The following SFXN5 variants were observed in gnomAD, a reference collection of about 807,000 sequenced individuals.
SFXN5 encodes the protein sideroflexin 5.
SFXN5 carries 43 observed loss-of-function variants against 50.2 expected under a neutral mutation model. That is an observed-to-expected ratio of 0.86 (90% CI 0.67 to 1.11). The LOEUF is 1.11. Ranked by LOEUF, SFXN5 falls within the 50% of genes least tolerant of loss-of-function variation. The pLI is 0.00. For missense variants in SFXN5, 463 were observed against 454.1 expected, an observed-to-expected ratio of 1.02 and a Z score of -0.18; for synonymous variants, 203 against 185.8, an observed-to-expected ratio of 1.09 and a Z score of -0.75.
At chr2:73,047,974 T>A (rs1248024261) in intron 2 of SFXN5, among the ~76,000 whole-genome samples, 1 of 152,200 alleles carries the variant, frequency 6.6e-6, no homozygotes, top group Non-Finnish European at 1.5e-5. Flanking sequence ...ATTAATAGAA[T>A]AACCATGTGA....
At chr2:73,011,735 C>G (rs1000202423) in intron 6 of SFXN5, among the ~76,000 whole-genome samples, 1 of 152,168 alleles carries the variant, frequency 6.6e-6, no homozygotes, top group Non-Finnish European at 1.5e-5. Flanking sequence ...CTTCTCCCAT[C>G]AGATTGGCAA....
At chr2:73,040,718 T>G (rs939972390) in intron 3 of SFXN5, 136 bp downstream of exon 3, 1 of 614,542 alleles carries the variant, frequency 1.6e-6, no homozygotes, top group South Asian at 2.3e-5. Context: ...CAAAGAGCTT[T>G]TAGTCCACAG....
intron 10 of SFXN5, among the ~76,000 whole-genome samples, chr2:72,976,092 T>C (rs967465658): frequency 1.3e-5 from 2 of 152,354 alleles, no homozygotes; most frequent in East Asian, 1.9e-4. Context: ...AACCCTGTAA[T>C]TGGCATATGC....
chr2:73,012,156 TAA>T (rs949858758), intron 6 of SFXN5, among the ~76,000 whole-genome samples: 1 of 152,160 alleles, frequency 6.6e-6, no homozygotes, highest in Non-Finnish European at 1.5e-5. Flanking sequence ...TTAAATGACT[TAA>T]ATGTATGCAG....
chr2:73,020,379 G>T, intron 5 of SFXN5, 115 bp from the exon 6 acceptor site: 2 of 984,164 alleles, frequency 2.0e-6, no homozygotes, highest in East Asian at 2.5e-5. Flanking sequence ...AAGGGGCTCA[G>T]GTCAGTTAGG....
intron 2 of SFXN5, among the ~76,000 whole-genome samples, chr2:73,050,522 G>A (rs941628715): frequency 6.6e-6 from 1 of 152,170 alleles, no homozygotes; most frequent in East Asian, 1.9e-4. Context: ...GCCACAGCTG[G>A]GGTGGCTGAG....
At chr2:72,955,294 C>G (rs1477770481) in intron 13 of SFXN5, among the ~76,000 whole-genome samples, 1 of 152,238 alleles carries the variant, frequency 6.6e-6, no homozygotes, top group African/African-American at 2.4e-5. Flanking sequence ...GCCGCCCGCC[C>G]GTTCACGCAG....
At chr2:73,008,136 T>G (rs1674963638) in intron 6 of SFXN5, among the ~76,000 whole-genome samples, 1 of 152,202 alleles carries the variant, frequency 6.6e-6, no homozygotes, top group South Asian at 2.1e-4. Flanking sequence ...CTTCTGATAC[T>G]TAGAGTCTCT....
Position 72,950,166 on chromosome 2 carries a change from G to A in SFXN5, c.946-5067C>T, listed in dbSNP as rs150583259. Among the ~76,000 whole-genome samples, 6 of 152,268 alleles carry A rather than the reference G, an allele frequency of 3.9e-5. No individual in the cohort carries two copies. The highest frequency in any genetic ancestry group is 9.6e-5 in the African/African-American group (4 of 41,540). On this transcript the variant is annotated intron_variant, in intron 13 of 13. Transcript: ENST00000272433. This position sits in a 1 kb window ranked among gnomAD's most constrained non-coding sequence, Gnocchi z 4.2. Reference sequence around the variant, plus strand: ...GAACAGGCACATTTGAAGGGCAAGCGGAGGGAACAAGCCTGTGATGGTGGC... The same window carrying A: ...GAACAGGCACATTTGAAGGGCAAGCAGAGGGAACAAGCCTGTGATGGTGGC...
At chr2:72,998,381 C>G (rs1257197698) in intron 9 of SFXN5, 1 of 153,190 alleles carries the variant, frequency 6.5e-6, no homozygotes, top group Admixed American at 6.5e-5. Flanking sequence ...CACGCTCAGT[C>G]TCTGAACCTC....
chr2:72,976,245 T>C (rs1248652066), intron 10 of SFXN5, among the ~76,000 whole-genome samples: 1 of 152,140 alleles, frequency 6.6e-6, no homozygotes, highest in African/African-American at 2.4e-5. Flanking sequence ...TTTTCTATAA[T>C]ATTTAAATTT....
At chr2:72,980,134 T>C (rs1298740656) in intron 10 of SFXN5, among the ~76,000 whole-genome samples, 1 of 151,848 alleles carries the variant, frequency 6.6e-6, no homozygotes, top group Admixed American at 6.6e-5. Context: ...CCCTCTTCTC[T>C]CTTCTCTCCT....
Position 73,020,200 on chromosome 2 carries a change from A to T in SFXN5, c.357+39T>A, listed in dbSNP as rs996215096. On this transcript the variant is annotated intron_variant, in intron 6 of 13. Transcript: ENST00000272433. ...AACATAAAGTTAGACATTTAAAATAATTTTTTAGAAAAGGAAATCCTTTGA... is the reference window on the plus strand; with the variant it reads ...AACATAAAGTTAGACATTTAAAATATTTTTTTAGAAAAGGAAATCCTTTGA... 16 of 1,594,750 alleles carry T rather than the reference A, an allele frequency of 1.0e-5. No homozygotes were observed. The South Asian group carries it at 1.1e-4, about 11-fold the overall frequency.
chr2:72,975,685 A>G (rs1670548686), intron 10 of SFXN5, among the ~76,000 whole-genome samples: 1 of 152,256 alleles, frequency 6.6e-6, no homozygotes, highest in African/African-American at 2.4e-5. Context: ...CATTCATTCA[A>G]GTGTCACCTC....
rs962974353 is a variant in SFXN5, at chr2:73,024,670, AG to A, written c.250-1457del. 9.2e-5 allele frequency among the ~76,000 whole-genome samples: 14 copies of A among 152,216 alleles called. 1 individual carries two copies. The highest frequency in any genetic ancestry group is 3.4e-4 in the African/African-American group (14 of 41,452). ...ACCTGTCTCCAAAAAAGAAAAAAAA[AG>A]GACACCATGGGCAAACCAAAGGCCA... On this transcript the variant is annotated intron_variant, in intron 3 of 13. Transcript: ENST00000272433.
chr2:72,985,068 AC>A (rs1444234937), intron 10 of SFXN5, among the ~76,000 whole-genome samples: 1 of 151,384 alleles, frequency 6.6e-6, no homozygotes, highest in African/African-American at 2.4e-5. Flanking sequence ...CACCCTGAAG[AC>A]CCCCTTCCAC....
At chr2:72,949,151 T>A (rs1355311651) in intron 13 of SFXN5, among the ~76,000 whole-genome samples, 1 of 152,160 alleles carries the variant, frequency 6.6e-6, no homozygotes, top group East Asian at 1.9e-4. Context: ...CTGGCTAGCA[T>A]GGCCTGTTTC....
chr2:73,056,646 T>C lies in SFXN5; in HGVS notation c.171+1882A>G, dbSNP rs144417221. ...GTTGCGGTGAGCTGGGATCACACCA[T>C]TGCACTCCTATCTGGGCAACAAGAG... On this transcript the variant is annotated intron_variant, in intron 2 of 13. Coordinates refer to ENST00000272433, the MANE Select transcript of SFXN5 (RefSeq NM_144579.3). Among the ~76,000 whole-genome samples the C allele has an allele frequency of 1.3e-3, 196 of 151,184 alleles. 1 individual carries two copies. Among genetic ancestry groups the C allele is most frequent in the African/African-American group, 4.3e-3 (178 of 41,136 alleles).
In SFXN5 at chr2:73,071,525, C is replaced by T; in HGVS notation, c.102+79G>A. The T allele has an allele frequency of 2.2e-6, 3 of 1,377,634 alleles. No homozygotes were observed. The South Asian group carries it at 3.8e-5, about 17-fold the overall frequency. The allele number at this position is 1,377,634 out of a possible 1,614,324, so 85.3% of individuals were successfully genotyped here. A position where few individuals can be genotyped will look rare whatever the true frequency, so the allele number is the denominator to read the frequency against. On this transcript the variant is annotated intron_variant, in intron 1 of 13. Coordinates refer to ENST00000272433, the MANE Select transcript of SFXN5 (RefSeq NM_144579.3). ...TGGCCGCGGGTGGGAGACCCTTGGG[C>T]GGAAGGGGACTTTGGAGGGGAGTTT...
Sources: allele counts gnomAD v4.1 joint callset (sites outside exome capture counted in the v4.1 genomes callset), GRCh38; gene constraint gnomAD v4.1.1; non-coding constraint Gnocchi (gnomAD v3.1); transcripts MANE v1.5; gene names NCBI Gene and HGNC (gene_info 2026-07-23, HGNC 2026-07-21).